Variants in ATP6V1H observed in about 807,000 individuals in gnomAD.
The protein encoded by ATP6V1H is ATPase H+ transporting V1 subunit H, also known as V-type proton ATPase subunit H.
ATP6V1H carries 39 observed loss-of-function variants against 71.7 expected under a neutral mutation model. That is an observed-to-expected ratio of 0.54 (90% CI 0.42 to 0.71). The LOEUF (loss-of-function observed/expected upper bound fraction) is 0.71. Among genes scored for constraint, ATP6V1H ranks in the 30% least tolerant of loss-of-function variants. The pLI is 0.00. For synonymous variants in ATP6V1H, 192 were observed against 199.3 expected (o/e 0.96, Z 0.31); for missense variants, 509 against 594.9 (o/e 0.86, Z 1.50).
At chr8:53,761,271 A>G (rs1180014377) in intron 11 of ATP6V1H, among the ~76,000 whole-genome samples, 3 of 151,622 alleles carry the variant, frequency 2.0e-5, no homozygotes, top group Non-Finnish European at 4.4e-5. Context: ...CAGGAGGTGG[A>G]GCTTGCAGTG....
At position 53,743,623 on chromosome 8, in the gene ATP6V1H, G is replaced by A. The variant is rs1444167245; in HGVS notation, c.1345C>T (p.Arg449Cys). 8 of 1,613,860 alleles carry A rather than the reference G, an allele frequency of 5.0e-6. No homozygotes were observed. The highest frequency in any genetic ancestry group is 1.1e-5 in the South Asian group (1 of 91,032). ...NHMHHEDQQVRYNALLAVQKL... is the reference protein window; with the variant it reads ...NHMHHEDQQVCYNALLAVQKL... ...TGCACGGCCAGCAGAGCATTATAGC[G>A]GACCTGCTGGTCTTCATGATGCATG... The change falls in exon 13 of 14, where the codon CGC becomes TGC. Residue 449 changes from arginine (R) to cysteine (C), a missense_variant. Transcript: ENST00000359530.
intron 5 of ATP6V1H, among the ~76,000 whole-genome samples, chr8:53,816,146 G>T (rs546601764): frequency 2.0e-5 from 3 of 152,106 alleles, no homozygotes; most frequent in Non-Finnish European, 4.4e-5. Context: ...TCTTTTTATA[G>T]ATATTTCATA....
intron 7 of ATP6V1H, among the ~76,000 whole-genome samples, chr8:53,809,610 C>T (rs973011986): frequency 1.3e-5 from 2 of 152,194 alleles, no homozygotes; most frequent in African/African-American, 4.8e-5. Flanking sequence ...TTTTCTAATA[C>T]ACTGCACAGA....
chr8:53,769,783 C>CT, intron 10 of ATP6V1H, 40 bp from the exon 11 acceptor site: 1 of 1,518,576 alleles, frequency 6.6e-7, no homozygotes, highest in South Asian at 1.3e-5. Context: ...TTATAAGAAT[C>CT]TGACAGTACT....
chr8:53,816,117 TC>T (rs1333124152), intron 5 of ATP6V1H, among the ~76,000 whole-genome samples: 3 of 152,218 alleles, frequency 2.0e-5, no homozygotes, highest in African/African-American at 7.2e-5. Context: ...ACAGTTTATT[TC>T]ATCAGTCCTC....
intron 9 of ATP6V1H, among the ~76,000 whole-genome samples, chr8:53,790,464 C>CA (rs1809531385): frequency 6.6e-6 from 1 of 152,282 alleles, no homozygotes; most frequent in Admixed American, 6.5e-5. Context: ...ACTGAGGGTC[C>CA]ATTAGGCACC....
intron 4 of ATP6V1H, among the ~76,000 whole-genome samples, chr8:53,822,412 G>C (rs1306979452): frequency 2.6e-5 from 4 of 151,848 alleles, no homozygotes; most frequent in Admixed American, 1.3e-4. Context: ...AGGAAAAGTA[G>C]AATAAGTTCA....
At chr8:53,823,654 T>C (rs1204333500) in intron 4 of ATP6V1H, among the ~76,000 whole-genome samples, 1 of 152,168 alleles carries the variant, frequency 6.6e-6, no homozygotes, top group Non-Finnish European at 1.5e-5. Flanking sequence ...TTTTTTATTT[T>C]CAGTTGAGAT....
At chr8:53,754,867 C>T (rs561297214) in intron 12 of ATP6V1H, among the ~76,000 whole-genome samples, 2 of 152,246 alleles carry the variant, frequency 1.3e-5, no homozygotes, top group Non-Finnish European at 2.9e-5. Context: ...TATTTTAAGG[C>T]GAGACTGGCC....
chr8:53,818,019 T>C (rs914107577), intron 4 of ATP6V1H, among the ~76,000 whole-genome samples: 1 of 152,156 alleles, frequency 6.6e-6, no homozygotes, highest in African/African-American at 2.4e-5. Flanking sequence ...GGTAGAAAAC[T>C]TGGGATAAAG....
chr8:53,798,237 A>G (rs1228372833), intron 8 of ATP6V1H, among the ~76,000 whole-genome samples: 1 of 152,194 alleles, frequency 6.6e-6, no homozygotes, highest in East Asian at 1.9e-4. Context: ...TTAAGACCTC[A>G]GTTATCGGCC....
chr8:53,836,575 T>C (rs1363685528), intron 2 of ATP6V1H, among the ~76,000 whole-genome samples: 4 of 152,150 alleles, frequency 2.6e-5, no homozygotes, highest in Non-Finnish European at 5.9e-5. Context: ...CTTCCCTGCC[T>C]CTGGAGTAGC....
chr8:53,730,077 GAGAAGAA>G (rs1328028701), intron 13 of ATP6V1H, among the ~76,000 whole-genome samples: 53 of 152,200 alleles, frequency 3.5e-4, no homozygotes, highest in African/African-American at 1.3e-3. Context: ...GCAGTCTACA[GAGAAGAA>G]GTGAACAGCC....
intron 9 of ATP6V1H, among the ~76,000 whole-genome samples, chr8:53,777,408 G>A (rs192501559): frequency 5.3e-5 from 8 of 151,670 alleles, no homozygotes; most frequent in African/African-American, 1.9e-4. Context: ...ATTTTGCTGA[G>A]AGAGAGCATT....
intron 13 of ATP6V1H, among the ~76,000 whole-genome samples, chr8:53,742,520 G>A (rs747896003): frequency 6.6e-6 from 1 of 152,180 alleles, no homozygotes; most frequent in Non-Finnish European, 1.5e-5. Context: ...ATCATCCTAT[G>A]TAAAGTTGCA....
At chr8:53,742,029 G>A (rs1163738602) in intron 13 of ATP6V1H, among the ~76,000 whole-genome samples, 1 of 152,112 alleles carries the variant, frequency 6.6e-6, no homozygotes, top group Non-Finnish European at 1.5e-5. Flanking sequence ...ACCACATCTT[G>A]TCATTCCCCT....
In ATP6V1H at chr8:53,765,499, A is replaced by T. The variant is rs1585761572; in HGVS notation, c.1175+4119T>A. 7.7e-5 allele frequency among the ~76,000 whole-genome samples: 11 copies of T among 142,194 alleles called. No homozygotes were observed. The South Asian group carries it at 2.6e-3, about 34-fold the overall frequency. The allele number at this position is 142,194 out of a possible 152,430, so 93.3% of individuals were successfully genotyped here. On this transcript the variant is annotated intron_variant, in intron 11 of 13. Coordinates refer to ENST00000359530, the MANE Select transcript of ATP6V1H (RefSeq NM_015941.4). ...CACACACACACACACACACACACAC[A>T]CAAGACCATCAGCATTAGCACCAAA...
intron 11 of ATP6V1H, among the ~76,000 whole-genome samples, chr8:53,768,732 G>C (rs1413985207): frequency 6.6e-6 from 1 of 152,134 alleles, no homozygotes; most frequent in Admixed American, 6.5e-5. Flanking sequence ...TTCTGTAACA[G>C]GCAAATCGAG....
At chr8:53,796,629 A>C (rs1458123247) in intron 8 of ATP6V1H, among the ~76,000 whole-genome samples, 1 of 152,228 alleles carries the variant, frequency 6.6e-6, no homozygotes, top group Non-Finnish European at 1.5e-5. Flanking sequence ...CGAAGACCAT[A>C]GAATGTACAA....
Sources: gnomAD v4.1 joint callset for allele counts (sites outside exome capture counted in the v4.1 genomes callset) on GRCh38, gnomAD v4.1.1 for gene constraint, MANE v1.5 for transcripts, NCBI Gene and HGNC (gene_info 2026-07-23, HGNC 2026-07-21) for gene names.